SIK3: variants seen among roughly 807,000 people sequenced by gnomAD.
SIK3 encodes SIK family kinase 3.
Under a neutral mutation model 144.2 loss-of-function variants are expected in SIK3, and 28 were observed. The ratio of observed to expected loss-of-function variants is 0.19; its 90% CI spans 0.14 to 0.27. SIK3 has a LOEUF of 0.27. Among genes scored for constraint, SIK3 ranks in the 10% least tolerant of loss-of-function variants. SIK3 has a pLI of 1.00. For missense variants in SIK3, 1,319 were observed against 1,776.0 expected, an observed-to-expected ratio of 0.74 and a Z score of 4.62; for synonymous variants, 686 against 676.3, an observed-to-expected ratio of 1.01 and a Z score of -0.22.
rs753476055 is a variant in SIK3, at chr11:116,857,871, C to A, written c.3594G>T (p.Gly1198=). 1.2e-6 allele frequency: 2 copies of A among 1,614,168 alleles called. No homozygotes were observed. The highest frequency in any genetic ancestry group is 4.5e-5 in the East Asian group (2 of 44,886). The change falls in exon 21 of 25, where the codon GGG becomes GGT. Residue 1198 remains glycine (G), a synonymous_variant. Coordinates refer to ENST00000445177, the MANE Select transcript of SIK3 (RefSeq NM_001366686.3). ...LGTVSHAQEL[G]IHPYGHQPTA... is the part of the protein sequence containing the mutation. ...TTGGCTGATGACCATAGGGATGTAT[C>A]CCCAATTCTTGGGCATGACTCACAG...
intron 1 of SIK3, among the ~76,000 whole-genome samples, chr11:117,020,701 G>C (rs1284040010): frequency 6.6e-6 from 1 of 152,156 alleles, no homozygotes; most frequent in Non-Finnish European, 1.5e-5. Flanking sequence ...GGGAGGGTGA[G>C]GCACCCCAGC....
intron 1 of SIK3, among the ~76,000 whole-genome samples, chr11:117,002,447 T>C (rs1447911365): frequency 1.3e-5 from 2 of 152,288 alleles, no homozygotes; most frequent in Middle Eastern, 3.4e-3. Flanking sequence ...GTTGCAAACA[T>C]TGAGATAAAA....
In SIK3 at chr11:117,096,063, C is replaced by A. The variant is rs981186814; in HGVS notation, c.273+2080G>T. 2.6e-5 allele frequency among the ~76,000 whole-genome samples: 4 copies of A among 152,186 alleles called. No individual in the cohort carries two copies. The South Asian group carries it at 8.3e-4, about 32-fold the overall frequency. ...TCAGAGAAAAACTATGAAAAACACACGCACGCACATATACACACACATGAA... is the reference window on the plus strand; with the variant it reads ...TCAGAGAAAAACTATGAAAAACACAAGCACGCACATATACACACACATGAA... On this transcript the variant is annotated intron_variant, in intron 1 of 24. Transcript: ENST00000445177.
At chr11:116,893,230 T>C (rs920506524) in intron 6 of SIK3, among the ~76,000 whole-genome samples, 3 of 152,210 alleles carry the variant, frequency 2.0e-5, no homozygotes, top group Non-Finnish European at 2.9e-5. Flanking sequence ...TGTCAATGCA[T>C]GTTCATTGAT....
At chr11:116,953,531 T>C (rs1042386159) in intron 3 of SIK3, among the ~76,000 whole-genome samples, 11 of 152,210 alleles carry the variant, frequency 7.2e-5, no homozygotes, top group African/African-American at 2.7e-4. Context: ...GAGGAAAATA[T>C]AGCTACTGAA....
rs949797639 is a variant in SIK3, at chr11:116,862,037, C to G, written c.2230-111G>C. On this transcript the variant is annotated intron_variant, in intron 17 of 24. Coordinates refer to ENST00000445177, the MANE Select transcript of SIK3 (RefSeq NM_001366686.3). ...GAACTATCTGTGTCTCAGATTTATG[C>G]TTTTGTTGTTCACCAGAAGGTCTGA... The G allele has an allele frequency of 1.6e-5, 20 of 1,258,868 alleles. No individual in the cohort carries two copies. In the African/African-American group the frequency reaches 3.0e-4, roughly 19 times the overall value. The allele number at this position is 1,258,868 out of a possible 1,614,324, so 78.0% of individuals were successfully genotyped here.
chr11:117,004,721 C>T (rs1182759446), intron 1 of SIK3, among the ~76,000 whole-genome samples: 1 of 152,180 alleles, frequency 6.6e-6, no homozygotes, highest in African/African-American at 2.4e-5. Flanking sequence ...AATACTTCTT[C>T]CCACCTGTCA....
intron 1 of SIK3, among the ~76,000 whole-genome samples, chr11:116,969,527 T>C (rs1357007488): frequency 6.6e-6 from 1 of 151,744 alleles, no homozygotes; most frequent in Admixed American, 6.6e-5. Flanking sequence ...GGTCTCTGGG[T>C]CACAGGTTTC....
intron 1 of SIK3, among the ~76,000 whole-genome samples, chr11:117,012,505 T>C (rs1951305458): frequency 6.6e-6 from 1 of 152,238 alleles, no homozygotes; most frequent in African/African-American, 2.4e-5. Context: ...TTTTTCATCA[T>C]CTTCTAATGC....
At chr11:117,032,375 T>C (rs1296685770) in intron 1 of SIK3, among the ~76,000 whole-genome samples, 5 of 152,260 alleles carry the variant, frequency 3.3e-5, no homozygotes, top group African/African-American at 1.2e-4. Context: ...GTAAGTCCTA[T>C]ATACGTTTTG....
At chr11:116,876,209 G>T (rs779899433) in intron 8 of SIK3, 44 bp downstream of exon 8, 6 of 1,559,812 alleles carry the variant, frequency 3.8e-6, no homozygotes, top group Non-Finnish European at 4.4e-6. Flanking sequence ...GCAGGTTAGA[G>T]GAACTGCTAC....
chr11:116,943,824 T>C (rs1377949141), intron 3 of SIK3, among the ~76,000 whole-genome samples: 2 of 152,074 alleles, frequency 1.3e-5, no homozygotes, highest in East Asian at 1.9e-4. Context: ...CCCTCTCTTA[T>C]CTTAACCTTC....
chr11:117,094,944 G>A (rs540885410), intron 1 of SIK3, among the ~76,000 whole-genome samples: 59 of 152,200 alleles, frequency 3.9e-4, no homozygotes, highest in Non-Finnish European at 7.1e-4. Flanking sequence ...AAGCACTGCA[G>A]TGCTGCCAAT....
intron 1 of SIK3, among the ~76,000 whole-genome samples, chr11:116,963,197 A>G (rs767878592): frequency 6.6e-6 from 1 of 152,230 alleles, no homozygotes; most frequent in African/African-American, 2.4e-5. Context: ...TAAAATGTCT[A>G]TTGAGCAACT....
At chr11:116,910,306 T>C (rs1286764893) in intron 4 of SIK3, among the ~76,000 whole-genome samples, 2 of 151,854 alleles carry the variant, frequency 1.3e-5, no homozygotes, top group African/African-American at 2.4e-5. Flanking sequence ...TGAAAAAACA[T>C]AGCCAGAAAA....
In SIK3 at chr11:116,872,946, T is replaced by C. The variant is rs17120105; in HGVS notation, c.1737+535A>G. Among the ~76,000 whole-genome samples, 480 of 152,292 alleles carry C rather than the reference T, an allele frequency of 3.2e-3. 3 individuals carry two copies. Among genetic ancestry groups the C allele is most frequent in the African/African-American group, 7.9e-3 (328 of 41,556 alleles). On this transcript the variant is annotated intron_variant, in intron 13 of 24. Coordinates refer to ENST00000445177, the MANE Select transcript of SIK3 (RefSeq NM_001366686.3). ...CCAAGGGAGAAAAAAAATCTCTGAATGTGACTATCATATGAAGGACATGTG... is the reference window on the plus strand; with the variant it reads ...CCAAGGGAGAAAAAAAATCTCTGAACGTGACTATCATATGAAGGACATGTG...
chr11:117,082,702 G>C (rs73576655), intron 1 of SIK3, among the ~76,000 whole-genome samples: 2,207 of 152,254 alleles, frequency 0.014, 55 homozygotes, highest in African/African-American at 0.049. Flanking sequence ...ATGTATTATA[G>C]TGATGGTCGC....
Position 117,098,162 on chromosome 11 carries a change from T to C in SIK3, c.254A>G (p.His85Arg). ...CGGTACCTTGGCCTTGGTGACGAGG[T>C]GCGTGGCCCGCTTGACCACCGCGAA... is the stretch of plus-strand genomic sequence containing the variant. ...GNFAVVKRAT[H>R]LVTKAKVAIK... The change falls in exon 1 of 25, where the codon CAC (histidine) becomes CGC (arginine). Residue 85 changes from histidine (H) to arginine (R), a missense_variant. His to Arg is a conservative substitution (Grantham distance 29). Transcript: ENST00000445177. The C allele has an allele frequency of 6.6e-7, 1 of 1,512,582 alleles. No homozygotes were observed. The allele number at this position is 1,512,582 out of a possible 1,614,324, so 93.7% of individuals were successfully genotyped here.
intron 4 of SIK3, among the ~76,000 whole-genome samples, chr11:116,911,015 G>A (rs1263167834): frequency 1.3e-5 from 2 of 152,170 alleles, no homozygotes; most frequent in African/African-American, 4.8e-5. Flanking sequence ...CACACCTGTA[G>A]TTCCAGCTAC....
Sources: allele counts gnomAD v4.1 joint callset (sites outside exome capture counted in the v4.1 genomes callset), GRCh38; gene constraint gnomAD v4.1.1; transcripts MANE v1.5; gene names NCBI Gene and HGNC (gene_info 2026-07-23, HGNC 2026-07-21).